Variants in CIMIP6 observed in about 807,000 individuals in gnomAD.
The protein encoded by CIMIP6 is uncharacterized protein C2orf73.
At chr2:54,364,816 G>A in the CIMIP6 span, among the ~76,000 whole-genome samples, 1 of 152,214 alleles carries the variant, frequency 6.6e-6, no homozygotes, top group Non-Finnish European at 1.5e-5. Context: ...GTTGATGTTG[G>A]AAGCACCCAT....
chr2:54,360,398 C>T, the CIMIP6 span: 2 of 1,607,168 alleles, frequency 1.2e-6, no homozygotes, highest in Non-Finnish European at 1.7e-6. Flanking sequence ...GCTGTTAGAG[C>T]CTAAAACTCA....
chr2:54,373,446 T>G, the CIMIP6 span, among the ~76,000 whole-genome samples: 1 of 152,130 alleles, frequency 6.6e-6, no homozygotes, highest in Non-Finnish European at 1.5e-5. Context: ...TGCTCCTTCA[T>G]GGCCATCCTA....
chr2:54,369,055 G>T, the CIMIP6 span, among the ~76,000 whole-genome samples: 1 of 152,154 alleles, frequency 6.6e-6, no homozygotes, highest in Non-Finnish European at 1.5e-5. Context: ...AATTGGTACT[G>T]CATGCATCGT....
the CIMIP6 span, among the ~76,000 whole-genome samples, chr2:54,368,235 G>C: frequency 2.8e-3 from 428 of 152,314 alleles, 5 homozygotes; most frequent in African/African-American, 9.9e-3. Flanking sequence ...TGTGGTAGGA[G>C]TTGTGGATAG....
the CIMIP6 span, among the ~76,000 whole-genome samples, chr2:54,364,155 G>T: frequency 9.2e-5 from 14 of 151,974 alleles, no homozygotes; most frequent in Admixed American, 9.2e-4. Flanking sequence ...AAATGCAAAG[G>T]GTGTGTCTCT....
chr2:54,333,766 G>A, the CIMIP6 span, among the ~76,000 whole-genome samples: 1 of 151,958 alleles, frequency 6.6e-6, no homozygotes, highest in African/African-American at 2.4e-5. Context: ...GGTGGTGCGC[G>A]CCTGTAACCC....
At chr2:54,346,428 G>C in the CIMIP6 span, among the ~76,000 whole-genome samples, 1 of 152,170 alleles carries the variant, frequency 6.6e-6, no homozygotes, top group Non-Finnish European at 1.5e-5. Context: ...TATTTACTGA[G>C]CTTCAAGTTC....
chr2:54,347,688 A>G, the CIMIP6 span, among the ~76,000 whole-genome samples: 81,277 of 151,810 alleles, frequency 0.54, 22,171 homozygotes, highest in Admixed American at 0.6. Flanking sequence ...ATTTGCCCAG[A>G]GAGAAATCCT....
At chr2:54,383,097 CA>C in the CIMIP6 span, 1 of 152,272 alleles carries the variant, frequency 6.6e-6, no homozygotes. Context: ...TAATGACACT[CA>C]ATCAGCCCAG....
chr2:54,344,690 G>A, the CIMIP6 span, among the ~76,000 whole-genome samples: 157 of 143,614 alleles, frequency 1.1e-3, no homozygotes, highest in South Asian at 8.3e-3. Context: ...TACCACACCA[G>A]TTATTTCGGT....
At chr2:54,364,063 C>G in the CIMIP6 span, among the ~76,000 whole-genome samples, 1 of 152,198 alleles carries the variant, frequency 6.6e-6, no homozygotes, top group East Asian at 1.9e-4. Flanking sequence ...GACTGAAAGT[C>G]ATTGAACTTT....
the CIMIP6 span, among the ~76,000 whole-genome samples, chr2:54,350,852 C>G: frequency 6.6e-6 from 1 of 152,202 alleles, no homozygotes; most frequent in Non-Finnish European, 1.5e-5. Context: ...TCTGGGTTCA[C>G]AATTAATTAC....
chr2:54,335,826 C>T, the CIMIP6 span, among the ~76,000 whole-genome samples: 599 of 152,244 alleles, frequency 3.9e-3, 4 homozygotes, highest in Non-Finnish European at 6.2e-3. Flanking sequence ...GATGGGTTTC[C>T]TTGCCTTTCC....
At chr2:54,375,989 C>G in the CIMIP6 span, among the ~76,000 whole-genome samples, 4 of 152,050 alleles carry the variant, frequency 2.6e-5, no homozygotes, top group African/African-American at 9.7e-5. Flanking sequence ...TAGCTTTATA[C>G]TCTTCAATGT....
chr2:54,344,502 T>C, the CIMIP6 span, among the ~76,000 whole-genome samples: 1 of 152,176 alleles, frequency 6.6e-6, no homozygotes, highest in Non-Finnish European at 1.5e-5. Context: ...GCCAAAGCCC[T>C]GACTGAGCTA....
At chr2:54,358,973 C>T in the CIMIP6 span, 2 of 1,536,932 alleles carry the variant, frequency 1.3e-6, no homozygotes, top group Non-Finnish European at 8.8e-7. Context: ...ACTTGCCTCT[C>T]CTGGTACATC....
chr2:54,365,656 C>T, the CIMIP6 span, among the ~76,000 whole-genome samples: 1 of 152,140 alleles, frequency 6.6e-6, no homozygotes, highest in African/African-American at 2.4e-5. Flanking sequence ...TAAAGCCAAG[C>T]AGATGCCAGT....
At chr2:54,336,564 A>G in the CIMIP6 span, among the ~76,000 whole-genome samples, 1 of 152,124 alleles carries the variant, frequency 6.6e-6, no homozygotes, top group Admixed American at 6.5e-5. Context: ...TTTGTCAGTT[A>G]CTGTTCTAGA....
chr2:54,383,175 T>C, the CIMIP6 span: 1 of 152,422 alleles, frequency 6.6e-6, no homozygotes, highest in East Asian at 1.9e-4. Context: ...TGAGACCTTC[T>C]GCCTACAGTC....
Sources: allele counts gnomAD v4.1 joint callset (sites outside exome capture counted in the v4.1 genomes callset), GRCh38; gene constraint gnomAD v4.1.1; transcripts MANE v1.5; gene names NCBI Gene and HGNC (gene_info 2026-07-23, HGNC 2026-07-21).